UBAP1: variants seen among roughly 807,000 people sequenced by gnomAD.
The protein encoded by UBAP1 is ubiquitin associated protein 1, also known as ubiquitin-associated protein 1.
A neutral mutation model predicts 39.0 loss-of-function variants in UBAP1; 5 were observed. That is an observed-to-expected ratio of 0.13 (90% CI 0.07 to 0.27). UBAP1 has a LOEUF of 0.27. UBAP1 is among the 10% of genes least tolerant of loss of function. UBAP1 has a pLI of 1.00. For missense variants in UBAP1, 490 were observed against 608.1 expected (o/e 0.81, Z 2.04); for synonymous variants, 211 against 225.1 (o/e 0.94, Z 0.56).
At chr9:34,184,926 CTTTTTT>C (rs35634769) in intron 1 of UBAP1, among the ~76,000 whole-genome samples, 5 of 105,032 alleles carry the variant, frequency 4.8e-5, no homozygotes, top group Non-Finnish European at 9.8e-5. Context: ...CCAGCCAATC[CTTTTTT>C]TTTTTTTTTT....
chr9:34,188,476 A>G (rs573226077), intron 1 of UBAP1, among the ~76,000 whole-genome samples: 2 of 134,356 alleles, frequency 1.5e-5, no homozygotes, highest in Non-Finnish European at 3.1e-5. Context: ...CCTGGTACCC[A>G]GGTTGGTCTT....
At chr9:34,194,389 G>T (rs1285450666) in intron 1 of UBAP1, among the ~76,000 whole-genome samples, 1 of 150,816 alleles carries the variant, frequency 6.6e-6, no homozygotes, top group East Asian at 1.9e-4. Flanking sequence ...ATCTCGGCTC[G>T]CTGTAAACTC....
chr9:34,229,268 T>C (rs1235192867), intron 2 of UBAP1, among the ~76,000 whole-genome samples: 1 of 151,944 alleles, frequency 6.6e-6, no homozygotes, highest in Non-Finnish European at 1.5e-5. Flanking sequence ...ATCTTTTTTT[T>C]TTTTTTTGAG....
chr9:34,249,888 CGGT>C lies in UBAP1; in HGVS notation c.1197_1199del (p.Val400del). ...CCCAGCGAGCGGCAGTGTGTGGAGA[CGGT>C]GGTCAACATGGGCTACTCGTACGAG... On this transcript the variant is annotated inframe_deletion, in exon 5 of 7. Coordinates refer to ENST00000297661, the MANE Select transcript of UBAP1 (RefSeq NM_016525.5). 6.2e-7 allele frequency: 1 copy of C among 1,612,842 alleles called. No individual in the cohort carries two copies. Among genetic ancestry groups the C allele is most frequent in the Non-Finnish European group, 8.5e-7 (1 of 1,179,566 alleles).
chr9:34,234,424 T>A, intron 3 of UBAP1, 84 bp downstream of exon 3: 3 of 1,454,460 alleles, frequency 2.1e-6, no homozygotes, highest in Non-Finnish European at 2.8e-6. Context: ...TAGAAAAAAT[T>A]ACAGTTGTGA....
chr9:34,225,833 T>C (rs1012775745), intron 2 of UBAP1, among the ~76,000 whole-genome samples: 3 of 151,710 alleles, frequency 2.0e-5, no homozygotes, highest in Admixed American at 6.6e-5. Flanking sequence ...TTTCACTGAT[T>C]CTTATTTTCA....
At chr9:34,217,468 T>G (rs1489186095) in intron 1 of UBAP1, among the ~76,000 whole-genome samples, 1 of 152,152 alleles carries the variant, frequency 6.6e-6, no homozygotes, top group Non-Finnish European at 1.5e-5. Flanking sequence ...ATTCCTGACC[T>G]CAGGTGATCT....
At chr9:34,232,434 G>A (rs1040894600) in intron 2 of UBAP1, among the ~76,000 whole-genome samples, 6 of 152,202 alleles carry the variant, frequency 3.9e-5, no homozygotes, top group Non-Finnish European at 5.9e-5. Flanking sequence ...AATAAATATG[G>A]TGATTTCCTA....
chr9:34,249,146 G>A (rs1834336347), intron 4 of UBAP1, among the ~76,000 whole-genome samples: 1 of 152,054 alleles, frequency 6.6e-6, no homozygotes, highest in Non-Finnish European at 1.5e-5. Context: ...CTTCTGTCCT[G>A]GCACTGTAGG....
chr9:34,214,399 A>C (rs1832185549), intron 1 of UBAP1, among the ~76,000 whole-genome samples: 1 of 152,230 alleles, frequency 6.6e-6, no homozygotes. Context: ...TCGACAAAGC[A>C]AACAAAAACA....
At position 34,217,783 on chromosome 9, in the gene UBAP1, CTTTTTTTTTTTTT is replaced by C. The variant is rs750494361; in HGVS notation, c.-7-3107_-7-3095del. 1.1e-3 allele frequency among the ~76,000 whole-genome samples: 47 copies of C among 41,226 alleles called. No homozygotes were observed. The East Asian group carries it at 0.02, about 18-fold the overall frequency. The allele number at this position is 41,226 out of a possible 152,430, so 27.0% of individuals were successfully genotyped here. On this transcript the variant is annotated intron_variant, in intron 1 of 6. Coordinates refer to ENST00000297661, the MANE Select transcript of UBAP1 (RefSeq NM_016525.5). ...TTGTCATAAATGACAGGATTTCGTT[CTTTTTTTTTTTTT>C]TTTTTTTTTTTTTTTTTGAGACAGA...
intron 1 of UBAP1, among the ~76,000 whole-genome samples, chr9:34,182,271 A>G (rs1349080749): frequency 7.0e-6 from 1 of 143,472 alleles, no homozygotes; most frequent in East Asian, 2.5e-4. Context: ...TGCAACCTCC[A>G]TTTCCCAGGT....
At chr9:34,217,783 CTTTTTTTTTTTTTTTTT>C (rs750494361) in intron 1 of UBAP1, among the ~76,000 whole-genome samples, 1 of 41,212 alleles carries the variant, frequency 2.4e-5, no homozygotes, top group Non-Finnish European at 4.0e-5. Flanking sequence ...GGATTTCGTT[CTTTTTTTTTTTTTTTTT>C]TTTTTTTTTT....
chr9:34,206,946 C>G (rs1831729526), intron 1 of UBAP1, among the ~76,000 whole-genome samples: 1 of 151,184 alleles, frequency 6.6e-6, no homozygotes, highest in Non-Finnish European at 1.5e-5. Flanking sequence ...TACGACACAG[C>G]TTTCAGTATT....
chr9:34,191,414 A>C (rs1830713533), intron 1 of UBAP1: 1 of 152,200 alleles, frequency 6.6e-6, no homozygotes. Flanking sequence ...ACTTTAAAAT[A>C]GTGTCTTTAG....
intron 1 of UBAP1, among the ~76,000 whole-genome samples, chr9:34,208,849 C>T (rs956675687): frequency 5.3e-5 from 8 of 150,276 alleles, no homozygotes; most frequent in African/African-American, 9.8e-5. Flanking sequence ...GAGGCTGAGG[C>T]GGGAGAATTG....
intron 1 of UBAP1, among the ~76,000 whole-genome samples, chr9:34,189,584 C>T (rs1324074785): frequency 1.3e-5 from 2 of 152,134 alleles, no homozygotes; most frequent in Non-Finnish European, 2.9e-5. Flanking sequence ...AAAATCACTG[C>T]TGGAGCAGAC....
At chr9:34,193,338 T>C (rs925985397) in intron 1 of UBAP1, among the ~76,000 whole-genome samples, 1 of 151,914 alleles carries the variant, frequency 6.6e-6, no homozygotes, top group Non-Finnish European at 1.5e-5. Flanking sequence ...AAAAATATTG[T>C]GTAGGGGAAG....
At chr9:34,249,691 A>G (rs1387637008) in intron 4 of UBAP1, 88 bp from the exon 5 acceptor site, 26 of 1,312,996 alleles carry the variant, frequency 2.0e-5, no homozygotes, top group Non-Finnish European at 2.6e-5. Context: ...GAATAGTGTC[A>G]GAAATGCCAA....
Sources: gnomAD v4.1 joint callset for allele counts (sites outside exome capture counted in the v4.1 genomes callset) on GRCh38, gnomAD v4.1.1 for gene constraint, MANE v1.5 for transcripts, NCBI Gene and HGNC (gene_info 2026-07-23, HGNC 2026-07-21) for gene names.